The following ASS1 variants were observed in gnomAD, a reference collection of about 807,000 sequenced individuals.
The protein encoded by ASS1 is argininosuccinate synthase.
A neutral mutation model predicts 60.5 loss-of-function variants in ASS1; 58 were observed. That is an observed-to-expected ratio of 0.96 (90% confidence interval 0.78 to 1.19). ASS1 has a LOEUF of 1.19. Among genes scored for constraint, ASS1 ranks in the 50% most tolerant of loss-of-function variants. The probability of loss-of-function intolerance (pLI) is 0.00; values close to 1 mark genes in which losing one functional copy is unlikely to be tolerated. For synonymous variants in ASS1, 200 were observed against 206.9 expected, an observed-to-expected ratio of 0.97 and a Z score of 0.29; for missense variants, 454 against 547.3, an observed-to-expected ratio of 0.83 and a Z score of 1.70.
At chr9:130,460,085 C>T (rs566645623) in intron 4 of ASS1, among the ~76,000 whole-genome samples, 2 of 152,230 alleles carry the variant, frequency 1.3e-5, no homozygotes, top group African/African-American at 4.8e-5. Context: ...TCAGAAGGCT[C>T]GGAAACTCCC....
intron 3 of ASS1, 25 bp downstream of exon 3, chr9:130,454,398 G>T (rs1161402769): frequency 6.2e-7 from 1 of 1,610,498 alleles, no homozygotes; most frequent in Non-Finnish European, 8.5e-7. Flanking sequence ...GCAGGGATTT[G>T]GGCTGGGAGT....
chr9:130,445,917 T>C (rs1160215867), intron 1 of ASS1, among the ~76,000 whole-genome samples: 1 of 152,180 alleles, frequency 6.6e-6, no homozygotes, highest in African/African-American at 2.4e-5. Flanking sequence ...ACTTGGGCTT[T>C]GATCCTCCCG....
rs958208489 is a variant in ASS1, at chr9:130,478,652, G to A, written c.689-1064G>A. ...CACCAACAATGTCACCTCTTCTCCC[G>A]GGCAGGCCCCATCTAAGGCCCCAGC... On this transcript the variant is annotated intron_variant, in intron 9 of 14. Coordinates refer to ENST00000352480, the MANE Select transcript of ASS1 (RefSeq NM_054012.4). This position sits in a 1 kb window ranked among gnomAD's most constrained non-coding sequence, Gnocchi z 4.7. 5.3e-5 allele frequency among the ~76,000 whole-genome samples: 8 copies of A among 152,294 alleles called. No individual in the cohort carries two copies. The highest frequency in any genetic ancestry group is 8.8e-5 in the Non-Finnish European group (6 of 68,030).
At chr9:130,486,768 C>A (rs1442180702) in intron 11 of ASS1, among the ~76,000 whole-genome samples, 1 of 152,214 alleles carries the variant, frequency 6.6e-6, no homozygotes, top group Non-Finnish European at 1.5e-5. Context: ...CTTTCACAAG[C>A]ATGTCACCTG....
At chr9:130,449,016 G>T (rs924199861) in intron 1 of ASS1, among the ~76,000 whole-genome samples, 2 of 152,212 alleles carry the variant, frequency 1.3e-5, no homozygotes, top group African/African-American at 4.8e-5. Context: ...GGAGCTCATA[G>T]TGGGGGAGAG....
intron 11 of ASS1, among the ~76,000 whole-genome samples, chr9:130,485,856 G>A (rs780493547): frequency 2.6e-5 from 4 of 152,144 alleles, no homozygotes; most frequent in East Asian, 1.9e-4. Flanking sequence ...GAACTTTATC[G>A]TTATATCTGC....
At chr9:130,462,508 G>A (rs949580443) in intron 4 of ASS1, among the ~76,000 whole-genome samples, 5 of 152,120 alleles carry the variant, frequency 3.3e-5, no homozygotes, top group Non-Finnish European at 7.4e-5. Flanking sequence ...TGGCCTCTTC[G>A]AGGGTCTCTG....
At chr9:130,446,350 G>A (rs904782869) in intron 1 of ASS1, among the ~76,000 whole-genome samples, 6 of 152,180 alleles carry the variant, frequency 3.9e-5, no homozygotes, top group African/African-American at 1.4e-4. Context: ...GCTTGGCTAG[G>A]AGCAGGAACT....
intron 6 of ASS1, among the ~76,000 whole-genome samples, chr9:130,467,538 G>A (rs1425956619): frequency 2.0e-5 from 3 of 152,168 alleles, no homozygotes; most frequent in South Asian, 2.1e-4. Flanking sequence ...AAGGTGCCGC[G>A]TGGTAGGGGA....
intron 5 of ASS1, chr9:130,466,419 T>C (rs1261066578): frequency 1.7e-5 from 8 of 473,392 alleles, no homozygotes; most frequent in South Asian, 4.2e-5. Context: ...ATGAACCCCG[T>C]CTAGTTCAAA....
At chr9:130,452,851 C>G (rs1219913032) in intron 2 of ASS1, among the ~76,000 whole-genome samples, 1 of 152,228 alleles carries the variant, frequency 6.6e-6, no homozygotes, top group African/African-American at 2.4e-5. Context: ...AGTCATCCCT[C>G]TCAAACTAGC....
intron 1 of ASS1, among the ~76,000 whole-genome samples, chr9:130,449,195 G>C (rs758632043): frequency 3.9e-5 from 6 of 152,106 alleles, no homozygotes; most frequent in Non-Finnish European, 5.9e-5. Context: ...GGCAGGTGTG[G>C]TGGCATGTGC....
chr9:130,484,108 C>G (rs1588499375), intron 11 of ASS1, among the ~76,000 whole-genome samples: 1 of 152,300 alleles, frequency 6.6e-6, no homozygotes, highest in East Asian at 1.9e-4. Flanking sequence ...CCTCCCATCA[C>G]CATGGCAACT....
In ASS1 at chr9:130,470,320, G is replaced by C. The variant is rs1279967213; in HGVS notation, c.496-514G>C. On this transcript the variant is annotated intron_variant, in intron 6 of 14. Coordinates refer to ENST00000352480, the MANE Select transcript of ASS1 (RefSeq NM_054012.4). This position sits in a 1 kb window ranked among gnomAD's most constrained non-coding sequence, Gnocchi z 4.3. Reference sequence around the variant, plus strand: ...CTAGGGTCTGCAGAGTGATGTGTGTGGCTGTTGCGCCAGGCCCAGGGAGGG... The same window carrying C: ...CTAGGGTCTGCAGAGTGATGTGTGTCGCTGTTGCGCCAGGCCCAGGGAGGG... 1.3e-5 allele frequency among the ~76,000 whole-genome samples: 2 copies of C among 152,208 alleles called. No homozygotes were observed. Among genetic ancestry groups the C allele is most frequent in the African/African-American group, 4.8e-5 (2 of 41,454 alleles).
chr9:130,475,558 C>A (rs1053213078), intron 8 of ASS1, among the ~76,000 whole-genome samples: 21 of 152,220 alleles, frequency 1.4e-4, no homozygotes, highest in African/African-American at 4.8e-4. Flanking sequence ...GTCCTGAGTG[C>A]CAGGGAACAA....
At chr9:130,463,230 T>C (rs932301602) in intron 4 of ASS1, among the ~76,000 whole-genome samples, 1 of 152,240 alleles carries the variant, frequency 6.6e-6, no homozygotes, top group African/African-American at 2.4e-5. Context: ...AGTCTCCCTC[T>C]GGGCTGCCGA....
intron 13 of ASS1, among the ~76,000 whole-genome samples, chr9:130,496,257 C>G (rs956258038): frequency 6.6e-6 from 1 of 151,428 alleles, no homozygotes; most frequent in African/African-American, 2.4e-5. Context: ...CTCATCTCTA[C>G]TAAAAATAAA....
At chr9:130,475,542 G>C (rs956809585) in intron 8 of ASS1, among the ~76,000 whole-genome samples, 1 of 152,118 alleles carries the variant, frequency 6.6e-6, no homozygotes, top group Non-Finnish European at 1.5e-5. Context: ...ACCTCGCGGG[G>C]CTCCTGTCCT....
intron 11 of ASS1, among the ~76,000 whole-genome samples, chr9:130,485,494 C>G (rs1052109088): frequency 6.6e-6 from 1 of 152,146 alleles, no homozygotes; most frequent in Non-Finnish European, 1.5e-5. Context: ...AGCTCCAGCC[C>G]TGCAAATGTA....
Sources: allele counts gnomAD v4.1 joint callset (sites outside exome capture counted in the v4.1 genomes callset), GRCh38; gene constraint gnomAD v4.1.1; non-coding constraint Gnocchi (gnomAD v3.1); transcripts MANE v1.5; gene names NCBI Gene and HGNC (gene_info 2026-07-23, HGNC 2026-07-21).